CSMD1: variants seen among roughly 807,000 people sequenced by gnomAD.
CSMD1 encodes CUB and sushi domain-containing protein 1.
A neutral mutation model predicts 417.5 loss-of-function variants in CSMD1; 213 were observed. That is an observed-to-expected ratio of 0.51 (90% CI 0.46 to 0.57). The LOEUF is 0.57. Ranked by LOEUF, CSMD1 falls within the 20% of genes least tolerant of loss-of-function variation. The pLI is 0.00. For synonymous variants in CSMD1, 2,862 were observed against 1,736.8 expected, an observed-to-expected ratio of 1.65 and a Z score of -16.11; for missense variants, 6,923 against 4,529.7, an observed-to-expected ratio of 1.53 and a Z score of -15.17.
rs552946685 is a variant in CSMD1 at position 3,711,742 on chromosome 8, C to T, written c.932-3251G>A. ...TAATGCTTTCATCCAAAATGGCAAA[C>T]GTATCACCCCCACTATCTTGTGCTG... On this transcript the variant is annotated intron_variant, in intron 6 of 69. Coordinates refer to ENST00000635120, the MANE Select transcript of CSMD1 (RefSeq NM_033225.6). Among the ~76,000 whole-genome samples the T allele has an allele frequency of 2.3e-4, 35 of 152,248 alleles. 1 individual carries two copies. Among genetic ancestry groups the T allele is most frequent in the Middle Eastern group, 6.8e-3 (2 of 294 alleles).
intron 10 of CSMD1, among the ~76,000 whole-genome samples, chr8:3,537,132 T>G (rs1186044215): frequency 6.6e-6 from 1 of 152,114 alleles, no homozygotes; most frequent in African/African-American, 2.4e-5. Flanking sequence ...GCCTCCCAAG[T>G]AGCTGGGACT....
chr8:3,498,837 TCTG>T (rs1048762969), intron 10 of CSMD1, among the ~76,000 whole-genome samples: 2 of 152,212 alleles, frequency 1.3e-5, no homozygotes, highest in African/African-American at 4.8e-5. Flanking sequence ...TTTCAAGACT[TCTG>T]CTTAGTTCTT....
intron 12 of CSMD1, among the ~76,000 whole-genome samples, chr8:3,449,059 C>T (rs1815515660): frequency 6.6e-6 from 1 of 152,192 alleles, no homozygotes; most frequent in Non-Finnish European, 1.5e-5. Flanking sequence ...GGGAAAGGAT[C>T]ACATGAAAAC....
intron 11 of CSMD1, among the ~76,000 whole-genome samples, chr8:3,474,684 G>A (rs747642842): frequency 5.3e-5 from 8 of 152,082 alleles, no homozygotes; most frequent in Non-Finnish European, 1.0e-4. Context: ...GGTATACAGA[G>A]TTTTACTTGA....
At chr8:3,586,354 C>A (rs1800602007) in intron 8 of CSMD1, 94 bp from the exon 9 acceptor site, 13 of 1,256,980 alleles carry the variant, frequency 1.0e-5, no homozygotes, top group Non-Finnish European at 2.2e-6. Flanking sequence ...CTGCTACGAT[C>A]TTGTTCAGTT....
intron 1 of CSMD1, among the ~76,000 whole-genome samples, chr8:4,761,474 G>A (rs1295316560): frequency 6.6e-6 from 1 of 151,802 alleles, no homozygotes; most frequent in Admixed American, 6.6e-5. Context: ...ATAATTTCTA[G>A]TGTGAATACT....
intron 4 of CSMD1, among the ~76,000 whole-genome samples, chr8:4,026,901 G>A (rs912651799): frequency 6.6e-5 from 10 of 151,562 alleles, no homozygotes; most frequent in African/African-American, 1.2e-4. Context: ...GCTGCTGAGC[G>A]AATTCTTTAA....
Position 3,999,237 on chromosome 8 carries a change from T to G in CSMD1, c.611-1127A>C, listed in dbSNP as rs749559829. Among the ~76,000 whole-genome samples, 3 of 152,078 alleles carry G rather than the reference T, an allele frequency of 2.0e-5. No individual in the cohort carries two copies. The South Asian group carries it at 6.2e-4, about 32-fold the overall frequency. The stretch of plus-strand genomic sequence containing the variant: ...AGTCATTAATTCTGATACTGCAATG[T>G]GGATGATATGTAAAAGTCAGCCTGT... On this transcript the variant is annotated intron_variant, in intron 4 of 69. Coordinates refer to ENST00000635120, the MANE Select transcript of CSMD1 (RefSeq NM_033225.6).
chr8:3,888,848 C>G (rs1276186743), intron 5 of CSMD1, among the ~76,000 whole-genome samples: 1 of 152,092 alleles, frequency 6.6e-6, no homozygotes, highest in Admixed American at 6.6e-5. Context: ...TGCCCTCTGT[C>G]TATAAATGTA....
rs925354158 is a variant in CSMD1, at chr8:3,365,412, A to G, written c.3115+1620T>C. 2.5e-4 allele frequency among the ~76,000 whole-genome samples: 38 copies of G among 152,370 alleles called. 1 individual carries two copies. Among genetic ancestry groups the G allele is most frequent in the African/African-American group, 8.4e-4 (35 of 41,594 alleles). On this transcript the variant is annotated intron_variant, in intron 20 of 69. Coordinates refer to ENST00000635120, the MANE Select transcript of CSMD1 (RefSeq NM_033225.6). The stretch of plus-strand genomic sequence containing the variant: ...CCTTGAAGACACTATTTGATTTTAC[A>G]TAATGTTAATCAACATGCACTAGTT...
chr8:3,779,296 G>A (rs972502940), intron 5 of CSMD1, among the ~76,000 whole-genome samples: 1 of 151,920 alleles, frequency 6.6e-6, no homozygotes, highest in African/African-American at 2.4e-5. Flanking sequence ...AACTAGGCTT[G>A]AACTTTTCTA....
At chr8:4,236,496 A>G (rs1474211538) in intron 3 of CSMD1, among the ~76,000 whole-genome samples, 1 of 152,158 alleles carries the variant, frequency 6.6e-6, no homozygotes, top group Non-Finnish European at 1.5e-5. Flanking sequence ...CCAGAGTAGG[A>G]ATCTGAGATG....
intron 3 of CSMD1, among the ~76,000 whole-genome samples, chr8:4,255,044 G>C (rs1008143539): frequency 3.3e-5 from 5 of 152,152 alleles, no homozygotes; most frequent in African/African-American, 1.2e-4. Flanking sequence ...TAGAGGAGTT[G>C]ATCAAGCAAT....
At chr8:4,443,136 A>C (rs1487198914) in intron 2 of CSMD1, among the ~76,000 whole-genome samples, 1 of 152,202 alleles carries the variant, frequency 6.6e-6, no homozygotes, top group Non-Finnish European at 1.5e-5. Context: ...CTGGTATAGC[A>C]ACAGTATCTT....
At chr8:4,276,673 T>G (rs903487076) in intron 3 of CSMD1, among the ~76,000 whole-genome samples, 10 of 152,204 alleles carry the variant, frequency 6.6e-5, no homozygotes, top group African/African-American at 2.4e-4. Flanking sequence ...TTCTGGTCAT[T>G]GATTCAGGAA....
chr8:3,016,825 A>T (rs1585156209), intron 52 of CSMD1, among the ~76,000 whole-genome samples: 1 of 152,258 alleles, frequency 6.6e-6, no homozygotes, highest in East Asian at 1.9e-4. Context: ...GCTAAGATGT[A>T]TTGCATAGCA....
chr8:3,549,754 C>T (rs1341246391), intron 10 of CSMD1, among the ~76,000 whole-genome samples: 1 of 152,126 alleles, frequency 6.6e-6, no homozygotes, highest in African/African-American at 2.4e-5. Context: ...TCCCCAGATA[C>T]AGTTCCTTGA....
intron 1 of CSMD1, among the ~76,000 whole-genome samples, chr8:4,670,870 G>A (rs1276860672): frequency 6.6e-6 from 1 of 152,198 alleles, no homozygotes; most frequent in Non-Finnish European, 1.5e-5. Context: ...GTGGTGGCAT[G>A]TTTTGATGGG....
chr8:4,069,269 C>T (rs181650265), intron 3 of CSMD1, among the ~76,000 whole-genome samples: 38 of 152,184 alleles, frequency 2.5e-4, no homozygotes, highest in African/African-American at 8.4e-4. Context: ...ACTGTGAATT[C>T]TTTGTCTAGT....
Sources: gnomAD v4.1 joint callset for allele counts (sites outside exome capture counted in the v4.1 genomes callset) on GRCh38, gnomAD v4.1.1 for gene constraint, MANE v1.5 for transcripts, NCBI Gene and HGNC (gene_info 2026-07-23, HGNC 2026-07-21) for gene names.